Variants in PCNX1 observed in about 807,000 individuals in gnomAD.
The protein encoded by PCNX1 is pecanex-like protein 1.
A neutral mutation model predicts 242.2 loss-of-function variants in PCNX1; 78 were observed. That is an observed-to-expected ratio of 0.32 (90% CI 0.27 to 0.39). The LOEUF (loss-of-function observed/expected upper bound fraction) is 0.39, where lower values mean the gene tolerates loss of function less well. PCNX1 is among the 10% of genes least tolerant of loss of function. The pLI, the probability that PCNX1 is intolerant of heterozygous loss-of-function variation, is 1.00. For synonymous variants in PCNX1, 1,024 were observed against 1,032.9 expected (o/e 0.99, Z 0.17); for missense variants, 2,581 against 2,856.5 (o/e 0.90, Z 2.20).
At chr14:71,073,864 A>AGT (rs1051622464) in intron 27 of PCNX1, 66 bp downstream of exon 27, 10 of 1,156,398 alleles carry the variant, frequency 8.6e-6, no homozygotes, top group Non-Finnish European at 1.1e-5. Flanking sequence ...GACATATATA[A>AGT]GTATATATAT....
At chr14:70,955,137 A>C (rs1001736763) in intron 2 of PCNX1, among the ~76,000 whole-genome samples, 1 of 152,190 alleles carries the variant, frequency 6.6e-6, no homozygotes, top group Non-Finnish European at 1.5e-5. Context: ...AGAATCAGTC[A>C]CTAATTTTTT....
chr14:71,052,081 A>C, intron 24 of PCNX1, 69 bp downstream of exon 24: 1 of 1,120,352 alleles, frequency 8.9e-7, no homozygotes, highest in Non-Finnish European at 1.3e-6. Flanking sequence ...TGACAGCATT[A>C]TTATTAGAAT....
intron 28 of PCNX1, chr14:71,078,864 A>G (rs1029629181): frequency 1.3e-5 from 2 of 152,042 alleles, no homozygotes; most frequent in Non-Finnish European, 2.9e-5. Context: ...TTTAATTATT[A>G]TTATACTTTA....
At chr14:70,951,423 C>T (rs1595016549) in intron 2 of PCNX1, among the ~76,000 whole-genome samples, 2 of 151,936 alleles carry the variant, frequency 1.3e-5, no homozygotes, top group South Asian at 2.1e-4. Flanking sequence ...GTTGCCCAGA[C>T]GAGTGCAGTG....
chr14:70,916,680 T>C (rs946570473), intron 1 of PCNX1, among the ~76,000 whole-genome samples: 10 of 152,208 alleles, frequency 6.6e-5, no homozygotes, highest in African/African-American at 1.9e-4. Flanking sequence ...TTCGGCGAGT[T>C]GTCATTTTTT....
chr14:71,089,554 T>G (rs1198681137), intron 30 of PCNX1, among the ~76,000 whole-genome samples: 1 of 152,166 alleles, frequency 6.6e-6, no homozygotes, highest in Non-Finnish European at 1.5e-5. Context: ...AAACACATCC[T>G]TCTTCATATG....
chr14:70,969,144 A>T (rs1157298054), intron 5 of PCNX1, 34 bp downstream of exon 5: 1 of 1,222,798 alleles, frequency 8.2e-7, no homozygotes, highest in Admixed American at 1.7e-5. Flanking sequence ...GATGTCATAT[A>T]CTGTGGTGAC....
chr14:71,073,724 A>T lies in PCNX1; in HGVS notation c.5032A>T (p.Ile1678Phe). The T allele has an allele frequency of 6.2e-7, 1 of 1,613,960 alleles. No homozygotes were observed. ...VTKYILEGYS[I>F]TDNSAASMLQ... ...AAAGTACATTCTGGAGGGTTATAGCATCACTGATAACAGTGCTGCTTCTAT... is the reference window on the plus strand; with the variant it reads ...AAAGTACATTCTGGAGGGTTATAGCTTCACTGATAACAGTGCTGCTTCTAT... The change falls in exon 27 of 36, where the codon ATC (isoleucine) becomes TTC (phenylalanine). Residue 1678 changes from isoleucine (I) to phenylalanine (F), a missense_variant. Ile to Phe is a conservative substitution (Grantham distance 21, BLOSUM62 0). Coordinates refer to ENST00000304743, the MANE Select transcript of PCNX1 (RefSeq NM_014982.3).
intron 19 of PCNX1, among the ~76,000 whole-genome samples, chr14:71,039,149 C>T (rs940936070): frequency 2.0e-5 from 3 of 151,600 alleles, no homozygotes; most frequent in Admixed American, 6.6e-5. Flanking sequence ...GTACAGCACA[C>T]CAGCATGGCA....
intron 1 of PCNX1, among the ~76,000 whole-genome samples, chr14:70,925,568 C>CTTTTTTTTTT (rs71305848): frequency 3.7e-5 from 4 of 106,954 alleles, no homozygotes; most frequent in African/African-American, 1.5e-4. Context: ...CTTACCTCAT[C>CTTTTTTTTTT]TTTTTTTTTT....
chr14:71,001,608 T>C (rs2059508085), intron 8 of PCNX1, among the ~76,000 whole-genome samples: 1 of 152,230 alleles, frequency 6.6e-6, no homozygotes, highest in African/African-American at 2.4e-5. Context: ...TGTCTCTTGC[T>C]AGTATGTTGT....
chr14:70,993,601 CTG>C (rs1224448372), intron 7 of PCNX1, among the ~76,000 whole-genome samples: 1 of 152,158 alleles, frequency 6.6e-6, no homozygotes, highest in East Asian at 1.9e-4. Context: ...TTGTGCATCT[CTG>C]TGTTGAAGAT....
chr14:71,014,688 A>AG (rs1398223855), intron 11 of PCNX1, among the ~76,000 whole-genome samples: 2 of 137,656 alleles, frequency 1.5e-5, no homozygotes, highest in Admixed American at 1.5e-4. Context: ...AGAATGAAAC[A>AG]GAAGAGTCCA....
At chr14:71,099,752 G>T (rs2062412656) in intron 30 of PCNX1, among the ~76,000 whole-genome samples, 1 of 152,152 alleles carries the variant, frequency 6.6e-6, no homozygotes, top group African/African-American at 2.4e-5. Flanking sequence ...GAATCTGGGT[G>T]CTCCAATGTT....
chr14:71,035,531 G>A (rs2060504022), intron 18 of PCNX1, among the ~76,000 whole-genome samples: 1 of 151,900 alleles, frequency 6.6e-6, no homozygotes, highest in Non-Finnish European at 1.5e-5. Flanking sequence ...GCCAAGATGG[G>A]CGTATATCAC....
chr14:71,014,527 G>A (rs889269467), intron 11 of PCNX1, among the ~76,000 whole-genome samples: 2 of 152,182 alleles, frequency 1.3e-5, no homozygotes, highest in African/African-American at 4.8e-5. Flanking sequence ...GGACATAGAA[G>A]ATACTTTTAA....
chr14:71,093,167 C>T (rs2062180779), intron 30 of PCNX1: 1 of 152,172 alleles, frequency 6.6e-6, no homozygotes, highest in Non-Finnish European at 1.5e-5. Context: ...AAAGATTACA[C>T]CATTGAAGAT....
At position 70,969,279 on chromosome 14, in the gene PCNX1, C is replaced by G. The variant is rs924334517; in HGVS notation, c.604+169C>G. On this transcript the variant is annotated intron_variant, in intron 5 of 35. Transcript: ENST00000304743. The stretch of plus-strand genomic sequence containing the variant: ...TAGTAGTAATACAGAGTTACACATG[C>G]TTTTAGCTTACTTGAACTCAGTTAT... The G allele has an allele frequency of 2.9e-5, 16 of 543,464 alleles. No homozygotes were observed. The Admixed American group carries it at 4.8e-4, about 16-fold the overall frequency. 33.7% of individuals were successfully genotyped at this position (543,464 alleles called of 1,614,324 possible).
chr14:71,057,602 G>T lies in PCNX1; in HGVS notation c.4730G>T (p.Trp1577Leu). The T allele has an allele frequency of 6.2e-7, 1 of 1,613,516 alleles. No homozygotes were observed. Among genetic ancestry groups the T allele is most frequent in the Non-Finnish European group, 8.5e-7 (1 of 1,179,488 alleles). ...SLCGDLLLGR[W>L]GNYSTGDCFI... Reference sequence around the variant, plus strand: ...TGTGGTGATTTGCTACTAGGACGGTGGGGAAACTACAGTACAGGGGACTGT... The same window carrying T: ...TGTGGTGATTTGCTACTAGGACGGTTGGGAAACTACAGTACAGGGGACTGT... The change falls in exon 26 of 36, where the codon TGG becomes TTG. Residue 1577 changes from tryptophan (W) to leucine (L), a missense_variant. This residue lies in a region of PCNX1 where 54 missense variants were observed against 45.3 expected (regional missense o/e 1.19). Transcript: ENST00000304743.
Sources: gnomAD v4.1 joint callset for allele counts (sites outside exome capture counted in the v4.1 genomes callset) on GRCh38, gnomAD v4.1.1 for gene constraint, gnomAD v4.1.1 regional missense constraint, MANE v1.5 for transcripts, NCBI Gene and HGNC (gene_info 2026-07-23, HGNC 2026-07-21) for gene names.